Variants in SHROOM3 observed in about 807,000 individuals in gnomAD.
SHROOM3 encodes the protein protein Shroom3.
SHROOM3 carries 47 observed loss-of-function variants against 138.6 expected under a neutral mutation model. The ratio of observed to expected loss-of-function variants is 0.34; its 90% CI spans 0.27 to 0.43. SHROOM3 has a LOEUF of 0.43. Among genes scored for constraint, SHROOM3 ranks in the 20% least tolerant of loss-of-function variants. The probability of loss-of-function intolerance (pLI) is 1.00; values close to 1 mark genes in which losing one functional copy is unlikely to be tolerated. For missense variants in SHROOM3, 2,491 were observed against 2,596.5 expected (o/e 0.96, Z 0.88); for synonymous variants, 1,062 against 1,063.3 (o/e 1.00, Z 0.02).
intron 5 of SHROOM3, among the ~76,000 whole-genome samples, chr4:76,747,511 A>G (rs1245866040): frequency 6.6e-6 from 1 of 152,190 alleles, no homozygotes; most frequent in East Asian, 1.9e-4. Context: ...TTTAAGCTCG[A>G]TATTCTAGGG....
intron 1 of SHROOM3, among the ~76,000 whole-genome samples, chr4:76,503,428 T>TTA (rs1198737430): frequency 6.6e-6 from 1 of 151,904 alleles, no homozygotes; most frequent in East Asian, 1.9e-4. Context: ...TTTGTTGCTA[T>TTA]TATATATATA....
intron 1 of SHROOM3, among the ~76,000 whole-genome samples, chr4:76,531,590 A>G (rs1393315646): frequency 6.6e-6 from 1 of 152,184 alleles, no homozygotes; most frequent in Non-Finnish European, 1.5e-5. Flanking sequence ...TCTGTCAGTC[A>G]TAATTGTATT....
chr4:76,579,502 A>G (rs1734006389), intron 2 of SHROOM3, among the ~76,000 whole-genome samples: 1 of 152,234 alleles, frequency 6.6e-6, no homozygotes, highest in Non-Finnish European at 1.5e-5. Flanking sequence ...AAACAAACTT[A>G]CACAAGTACT....
chr4:76,479,640 G>C (rs1341060144), intron 1 of SHROOM3, among the ~76,000 whole-genome samples: 1 of 152,092 alleles, frequency 6.6e-6, no homozygotes, highest in Non-Finnish European at 1.5e-5. Flanking sequence ...ATACCATAAA[G>C]ATACTCCTCA....
intron 2 of SHROOM3, among the ~76,000 whole-genome samples, chr4:76,672,890 T>C (rs1259798943): frequency 6.6e-6 from 1 of 152,158 alleles, no homozygotes; most frequent in African/African-American, 2.4e-5. Context: ...GCATTTTAAT[T>C]TGGTGAAAAA....
Position 76,599,096 on chromosome 4 carries a change from A to G in SHROOM3, c.323+43333A>G, listed in dbSNP as rs536569141. ...GTGCAAGGCGAGGAGGATGACTCCT[A>G]GGGTTTTAGCTTTAGCAGCTCAGTG... On this transcript the variant is annotated intron_variant, in intron 2 of 10. Coordinates refer to ENST00000296043, the MANE Select transcript of SHROOM3 (RefSeq NM_020859.4). Among the ~76,000 whole-genome samples the G allele has an allele frequency of 5.9e-5, 9 of 152,244 alleles. No homozygotes were observed. The South Asian group carries it at 1.9e-3, about 32-fold the overall frequency.
chr4:76,507,688 G>A (rs953557567), intron 1 of SHROOM3, among the ~76,000 whole-genome samples: 8 of 151,794 alleles, frequency 5.3e-5, no homozygotes, highest in Admixed American at 1.3e-4. Context: ...ACAGGCGCCC[G>A]CCACCATGCC....
intron 6 of SHROOM3, among the ~76,000 whole-genome samples, chr4:76,749,718 G>GT (rs1355211559): frequency 1.3e-5 from 2 of 152,134 alleles, no homozygotes; most frequent in South Asian, 2.1e-4. Flanking sequence ...GAGGAAAGTC[G>GT]TTTTTTTAAA....
intron 2 of SHROOM3, among the ~76,000 whole-genome samples, chr4:76,669,569 G>A (rs557229889): frequency 1.9e-4 from 29 of 151,660 alleles, no homozygotes; most frequent in Non-Finnish European, 3.8e-4. Context: ...AGCCGAGATC[G>A]GGCCACTGCA....
chr4:76,695,626 C>T (rs1444106204), intron 2 of SHROOM3, among the ~76,000 whole-genome samples: 1 of 152,144 alleles, frequency 6.6e-6, no homozygotes, highest in Non-Finnish European at 1.5e-5. Flanking sequence ...TCACCTTGAC[C>T]AATTCATTAA....
intron 2 of SHROOM3, among the ~76,000 whole-genome samples, chr4:76,614,222 T>C (rs1311982829): frequency 6.6e-5 from 10 of 151,942 alleles, no homozygotes; most frequent in Middle Eastern, 3.2e-3. Context: ...GCCCGGCTAA[T>C]TTTTTGTATT....
chr4:76,550,973 T>A (rs1175547829), intron 1 of SHROOM3, among the ~76,000 whole-genome samples: 4 of 150,324 alleles, frequency 2.7e-5, no homozygotes, highest in African/African-American at 7.3e-5. Context: ...CACTCCAGCT[T>A]GAGCAGCAGA....
At chr4:76,618,094 G>C (rs1250030711) in intron 2 of SHROOM3, among the ~76,000 whole-genome samples, 7 of 152,168 alleles carry the variant, frequency 4.6e-5, no homozygotes, top group Non-Finnish European at 1.5e-5. Context: ...GAGGCCAGGA[G>C]TTTCAAACCA....
At chr4:76,771,012 G>A in intron 10 of SHROOM3, 114 bp downstream of exon 10, 1 of 1,357,268 alleles carries the variant, frequency 7.4e-7, no homozygotes, top group African/African-American at 1.4e-5. Context: ...ATCTCTTTGG[G>A]GCAGGGAGAG....
chr4:76,773,060 ATTGC>A, intron 10 of SHROOM3, among the ~76,000 whole-genome samples: 1 of 152,218 alleles, frequency 6.6e-6, no homozygotes, highest in East Asian at 1.9e-4. Flanking sequence ...ACATACAGTG[ATTGC>A]TTGGTTTTGT....
chr4:76,756,658 T>G lies in SHROOM3; in HGVS notation c.4919T>G (p.Leu1640Arg). 6.2e-7 allele frequency: 1 copy of G among 1,613,694 alleles called. No individual in the cohort carries two copies. Among genetic ancestry groups the G allele is most frequent in the Non-Finnish European group, 8.5e-7 (1 of 1,179,964 alleles). Residue 1640 changes from leucine (L) to arginine (R), a missense_variant, in exon 8 of 11, where the codon CTC (leucine) becomes CGC (arginine). By Grantham distance (102) the Leu-to-Arg change is moderately radical. Coordinates refer to ENST00000296043, the MANE Select transcript of SHROOM3 (RefSeq NM_020859.4). ...CCAGCACCCATCCAGACTCAAAGCCTCAGCCATGATCCAGTCAGTGGAACT... is the reference window on the plus strand; with the variant it reads ...CCAGCACCCATCCAGACTCAAAGCCGCAGCCATGATCCAGTCAGTGGAACT... ...GQPAPIQTQS[L>R]SHDPVSGTQG...
Position 76,779,057 on chromosome 4 carries a change from C to T in SHROOM3, c.5871C>T (p.Pro1957=). The change falls in exon 11 of 11, where the codon CCC becomes CCT. Residue 1957 remains proline (P), a synonymous_variant. Transcript: ENST00000296043. ...EQVKCLLESL[P]SDFIPKAGAL... ...TCAAGTGTCTGCTGGAGAGCCTGCCCTCAGATTTCATTCCCAAGGCTGGGG... is the reference window on the plus strand; with the variant it reads ...TCAAGTGTCTGCTGGAGAGCCTGCCTTCAGATTTCATTCCCAAGGCTGGGG... The T allele has an allele frequency of 6.2e-7, 1 of 1,614,210 alleles. No individual in the cohort carries two copies. The highest frequency in any genetic ancestry group is 8.5e-7 in the Non-Finnish European group (1 of 1,180,038).
intron 1 of SHROOM3, among the ~76,000 whole-genome samples, chr4:76,539,871 G>A (rs904743803): frequency 2.6e-5 from 4 of 152,146 alleles, no homozygotes; most frequent in African/African-American, 9.7e-5. Flanking sequence ...CCTCTGAGAT[G>A]GAGTTTCGCT....
At chr4:76,490,856 G>A (rs1486228066) in intron 1 of SHROOM3, among the ~76,000 whole-genome samples, 2 of 150,842 alleles carry the variant, frequency 1.3e-5, no homozygotes, top group East Asian at 3.9e-4. Context: ...TTTTATGTGG[G>A]AAAGAACTGT....
Sources: allele counts gnomAD v4.1 joint callset (sites outside exome capture counted in the v4.1 genomes callset), GRCh38; gene constraint gnomAD v4.1.1; transcripts MANE v1.5; gene names NCBI Gene and HGNC (gene_info 2026-07-23, HGNC 2026-07-21).